Variants in ACBD6 observed in about 807,000 individuals in gnomAD.
ACBD6 encodes the protein acyl-CoA-binding domain-containing protein 6.
ACBD6 carries 28 observed loss-of-function variants against 37.2 expected under a neutral mutation model. The ratio of observed to expected loss-of-function variants is 0.75; its 90% CI spans 0.56 to 1.03. ACBD6 has a LOEUF of 1.03. ACBD6 is among the 50% of genes least tolerant of loss of function. The pLI is 0.00. For synonymous variants in ACBD6, 113 were observed against 126.8 expected, an observed-to-expected ratio of 0.89 and a Z score of 0.73; for missense variants, 340 against 337.4, an observed-to-expected ratio of 1.01 and a Z score of -0.06.
At chr1:180,498,772 A>T (rs12058221) in intron 1 of ACBD6, among the ~76,000 whole-genome samples, 5 of 151,702 alleles carry the variant, frequency 3.3e-5, no homozygotes, top group African/African-American at 1.2e-4. Flanking sequence ...GCAAGAGAAT[A>T]GCTTGAACCT....
chr1:180,348,377 G>T (rs1189537710), intron 6 of ACBD6, among the ~76,000 whole-genome samples: 1 of 152,176 alleles, frequency 6.6e-6, no homozygotes, highest in African/African-American at 2.4e-5. Flanking sequence ...TCCAAAAAAT[G>T]AACGGAAATG....
At chr1:180,317,452 T>C (rs1459794585) in intron 6 of ACBD6, among the ~76,000 whole-genome samples, 1 of 152,176 alleles carries the variant, frequency 6.6e-6, no homozygotes, top group Non-Finnish European at 1.5e-5. Flanking sequence ...ATAATGTGAA[T>C]GTACTTAATG....
intron 6 of ACBD6, among the ~76,000 whole-genome samples, chr1:180,386,739 G>C (rs893894571): frequency 2.0e-5 from 3 of 151,636 alleles, no homozygotes; most frequent in African/African-American, 7.3e-5. Flanking sequence ...TATTATATTT[G>C]CAATTCTATA....
At position 180,502,573 on chromosome 1, in the gene ACBD6, G is replaced by C. The variant is rs1193116060; in HGVS notation, c.-307C>G. 9.5e-6 allele frequency: 4 copies of C among 420,058 alleles called. No individual in the cohort carries two copies. Among genetic ancestry groups the C allele is most frequent in the African/African-American group, 2.0e-5 (1 of 49,226 alleles). The allele number at this position is 420,058 out of a possible 1,614,324, so 26.0% of individuals were successfully genotyped here. A position where few individuals can be genotyped will look rare whatever the true frequency, so the allele number is the denominator to read the frequency against. On this transcript the variant is annotated 5_prime_UTR_variant, in exon 1 of 8. Transcript: ENST00000367595. ...CCTCCAACGGAACAGGAGTCGAGGG[G>C]CAGTGAGGCCGGGATGCGTGCGAGC...
intron 3 of ACBD6, among the ~76,000 whole-genome samples, chr1:180,460,657 G>T (rs1490441757): frequency 6.6e-6 from 1 of 152,210 alleles, no homozygotes; most frequent in East Asian, 1.9e-4. Flanking sequence ...ACGGACTGGA[G>T]TGGATACCTA....
At chr1:180,274,739 C>G in exon 10 of ACBD6, 1 of 809,866 alleles carries the variant, frequency 1.2e-6, no homozygotes, top group Non-Finnish European at 1.9e-6. Context: ...TGAGACCACA[C>G]TAGGGCATTG....
intron 3 of ACBD6, chr1:180,435,415 ATTT>A (rs57053936): frequency 0.02 from 5,721 of 291,406 alleles, no homozygotes; most frequent in South Asian, 0.034. Context: ...CGCCTGGCTA[ATTT>A]TTTTTTTTTT....
chr1:180,470,474 C>T (rs903839197), intron 3 of ACBD6, among the ~76,000 whole-genome samples: 3 of 152,170 alleles, frequency 2.0e-5, no homozygotes, highest in East Asian at 1.9e-4. Context: ...AAAAGTCAAT[C>T]GCCTTTCAGA....
downstream of ACBD6, chr1:180,287,453 A>G (rs1473512789): frequency 1.3e-5 from 2 of 151,306 alleles, no homozygotes; most frequent in African/African-American, 4.9e-5. Context: ...TCTATCCTTT[A>G]AATTAAAATG....
chr1:180,421,465 A>C (rs1648359753), intron 4 of ACBD6, among the ~76,000 whole-genome samples: 1 of 152,170 alleles, frequency 6.6e-6, no homozygotes, highest in Non-Finnish European at 1.5e-5. Flanking sequence ...GAACATATGC[A>C]TGCACGTAAC....
At chr1:180,272,113 C>T (rs1648708344) in intron 13 of ACBD6, 3 of 987,440 alleles carry the variant, frequency 3.0e-6, no homozygotes, top group East Asian at 2.6e-5. Context: ...GCAACTCCCT[C>T]CTGAACACAG....
chr1:180,391,053 A>G (rs1654057691), intron 6 of ACBD6, among the ~76,000 whole-genome samples: 1 of 152,180 alleles, frequency 6.6e-6, no homozygotes, highest in Non-Finnish European at 1.5e-5. Flanking sequence ...TATTTTTGAC[A>G]AGAGTGCTAC....
At chr1:180,462,659 T>A (rs1453345529) in intron 3 of ACBD6, among the ~76,000 whole-genome samples, 2 of 152,124 alleles carry the variant, frequency 1.3e-5, no homozygotes, top group Non-Finnish European at 2.9e-5. Flanking sequence ...ACTGACAATA[T>A]TAGATAGATC....
chr1:180,488,140 G>A (rs1480968076), intron 3 of ACBD6, among the ~76,000 whole-genome samples: 1 of 152,044 alleles, frequency 6.6e-6, no homozygotes, highest in Non-Finnish European at 1.5e-5. Context: ...GTGTGTCTAT[G>A]TGTAAAGAAA....
At chr1:180,464,570 T>G (rs931022084) in intron 3 of ACBD6, among the ~76,000 whole-genome samples, 2 of 152,154 alleles carry the variant, frequency 1.3e-5, no homozygotes, top group Non-Finnish European at 2.9e-5. Context: ...CCCATGCTCA[T>G]GGACAGGAAG....
intron 4 of ACBD6, 129 bp from the exon 5 acceptor site, chr1:180,413,600 A>G: frequency 1.5e-6 from 1 of 684,368 alleles, no homozygotes; most frequent in Non-Finnish European, 2.5e-6. Context: ...TTACATGAAC[A>G]GTAACAGTTT....
intron 1 of ACBD6, among the ~76,000 whole-genome samples, chr1:180,496,516 T>C (rs1351224469): frequency 6.6e-6 from 1 of 152,182 alleles, no homozygotes; most frequent in African/African-American, 2.4e-5. Flanking sequence ...GCCTTAGGTA[T>C]TCCTAGTTCA....
intron 6 of ACBD6, among the ~76,000 whole-genome samples, chr1:180,350,414 A>G (rs1407103772): frequency 2.2e-4 from 4 of 18,264 alleles, no homozygotes; most frequent in Admixed American, 1.5e-3. Context: ...AAATCGATCT[A>G]TATTTTCTAT....
intron 3 of ACBD6, 89 bp from the exon 4 acceptor site, chr1:180,430,351 G>T: frequency 8.8e-7 from 1 of 1,136,796 alleles, no homozygotes; most frequent in Non-Finnish European, 1.3e-6. Context: ...ATTTTGCTAA[G>T]AAAGACTAAG....
Sources: gnomAD v4.1 joint callset for allele counts (sites outside exome capture counted in the v4.1 genomes callset) on GRCh38, gnomAD v4.1.1 for gene constraint, MANE v1.5 for transcripts, NCBI Gene and HGNC (gene_info 2026-07-23, HGNC 2026-07-21) for gene names.